The following TIGAR variants were observed in gnomAD, a reference collection of about 807,000 sequenced individuals.
The protein encoded by TIGAR is TP53 induced glycolysis regulatory phosphatase, also known as fructose-2,6-bisphosphatase TIGAR.
Under a neutral mutation model 17.9 loss-of-function variants are expected in TIGAR, and 7 were observed. That is an observed-to-expected ratio of 0.39 (90% CI 0.22 to 0.73). TIGAR has a LOEUF of 0.73. TIGAR is among the 30% of genes least tolerant of loss of function. The pLI is 0.42. For synonymous variants in TIGAR, 94 were observed against 108.6 expected (o/e 0.87, Z 0.84); for missense variants, 258 against 327.4 (o/e 0.79, Z 1.64).
At chr12:4,325,066 CGG>C (rs1864529507) in intron 1 of TIGAR, among the ~76,000 whole-genome samples, 1 of 151,780 alleles carries the variant, frequency 6.6e-6, no homozygotes, top group Non-Finnish European at 1.5e-5. Flanking sequence ...CTTCAGCCTC[CGG>C]AGTAGCTGGG....
intron 3 of TIGAR, among the ~76,000 whole-genome samples, chr12:4,339,476 G>A (rs539796966): frequency 4.6e-5 from 7 of 152,270 alleles, no homozygotes; most frequent in South Asian, 2.1e-4. Context: ...AACATCTAAA[G>A]TACTAATACC....
chr12:4,327,278 G>A (rs530130943), intron 1 of TIGAR, among the ~76,000 whole-genome samples: 67 of 152,110 alleles, frequency 4.4e-4, no homozygotes, highest in Non-Finnish European at 8.8e-4. Context: ...GCGTGGTGGC[G>A]CTTGCCTGTA....
At chr12:4,349,189 A>C (rs745809232) in intron 3 of TIGAR, among the ~76,000 whole-genome samples, 1 of 152,210 alleles carries the variant, frequency 6.6e-6, no homozygotes, top group Non-Finnish European at 1.5e-5. Flanking sequence ...ACACCTGTTC[A>C]AGTCTGCGGT....
chr12:4,353,339 G>A lies in TIGAR; in HGVS notation c.*648G>A, dbSNP rs11063099. On this transcript the variant is annotated 3_prime_UTR_variant, in exon 6 of 6. Coordinates refer to ENST00000179259, the MANE Select transcript of TIGAR (RefSeq NM_020375.3). ...AGAAAGAATCTTGGAGCAGAAGATA[G>A]AAGAACAGCCTTTTCTAAATAATGC... is the stretch of plus-strand genomic sequence containing the variant. 0.86 allele frequency: 131,194 copies of A among 152,260 alleles called. 56,625 individuals carry two copies. The highest frequency in any genetic ancestry group is 0.98 in the East Asian group (5,072 of 5,184). The allele number at this position is 152,260 out of a possible 1,614,324, so 9.4% of individuals were successfully genotyped here.
At position 4,356,352 on chromosome 12, in the gene TIGAR, T is replaced by C. The variant is rs145546005; in HGVS notation, c.*3661T>C. Among the ~76,000 whole-genome samples the C allele has an allele frequency of 3.2e-3, 482 of 152,346 alleles. 1 individual carries two copies. Among genetic ancestry groups the C allele is most frequent in the African/African-American group, 0.011 (457 of 41,570 alleles). On this transcript the variant is annotated 3_prime_UTR_variant, in exon 6 of 6. Transcript: ENST00000179259. ...TTTGCCTGAGTCTTTTATGCAATGA[T>C]ATTTTATTTGTAATATTTTCCCGGT...
chr12:4,325,423 A>G (rs771062844), intron 1 of TIGAR, among the ~76,000 whole-genome samples: 19 of 152,168 alleles, frequency 1.2e-4, no homozygotes, highest in Non-Finnish European at 2.6e-4. Flanking sequence ...AATGCTCTAT[A>G]AAAGTATAAA....
chr12:4,327,667 A>T (rs10744641), intron 1 of TIGAR, among the ~76,000 whole-genome samples: 133,277 of 152,156 alleles, frequency 0.88, 58,535 homozygotes, highest in East Asian at 0.98. Context: ...CCAGGTTTAA[A>T]TTAAGGGCTA....
In TIGAR at chr12:4,352,511, T is replaced by G. The variant is rs142063875; in HGVS notation, c.633T>G (p.Thr211=). 1 of 1,614,200 alleles carries G rather than the reference T, an allele frequency of 6.2e-7. No homozygotes were observed. Among genetic ancestry groups the G allele is most frequent in the Middle Eastern group, 1.6e-4 (1 of 6,062 alleles). ...YMRSLFDYFL[T]DLKCSLPATL... ...GAAGTCTGTTTGATTATTTTCTGAC[T>G]GACCTTAAGTGTTCCTTACCAGCCA... The change falls in exon 6 of 6, where the codon ACT becomes ACG. Residue 211 remains threonine (T), a synonymous_variant. Coordinates refer to ENST00000179259, the MANE Select transcript of TIGAR (RefSeq NM_020375.3).
Position 4,359,520 on chromosome 12 carries a change from G to T in TIGAR, c.*6829G>T, listed in dbSNP as rs1034979983. ...TAGAAACCAAGATCTCGGTGCCAGG[G>T]TGCTCATTGCTAATAGTGCCTTTAA... is the stretch of plus-strand genomic sequence containing the variant. On this transcript the variant is annotated 3_prime_UTR_variant, in exon 6 of 6. Transcript: ENST00000179259. 2.6e-5 allele frequency among the ~76,000 whole-genome samples: 4 copies of T among 151,934 alleles called. No homozygotes were observed. The highest frequency in any genetic ancestry group is 4.4e-5 in the Non-Finnish European group (3 of 68,008).
intron 2 of TIGAR, among the ~76,000 whole-genome samples, chr12:4,334,050 G>GT (rs1465591746): frequency 1.3e-5 from 2 of 149,912 alleles, no homozygotes; most frequent in East Asian, 1.9e-4. Context: ...TAAGTTCTTG[G>GT]TTTTTTTCCT....
chr12:4,342,568 T>A (rs1864735129), intron 3 of TIGAR, among the ~76,000 whole-genome samples: 1 of 151,900 alleles, frequency 6.6e-6, no homozygotes, highest in Non-Finnish European at 1.5e-5. Flanking sequence ...CAGAAGAGAG[T>A]GGGGGCCAAT....
intron 3 of TIGAR, among the ~76,000 whole-genome samples, chr12:4,338,943 T>A (rs562931343): frequency 6.3e-5 from 7 of 111,484 alleles, no homozygotes; most frequent in Non-Finnish European, 1.1e-4. Flanking sequence ...GCCACTGCAC[T>A]CCAGCCTGGG....
At chr12:4,347,586 T>C (rs540570041) in intron 3 of TIGAR, among the ~76,000 whole-genome samples, 1 of 152,326 alleles carries the variant, frequency 6.6e-6, no homozygotes, top group Admixed American at 6.5e-5. Flanking sequence ...TAAATGCTTA[T>C]GGGGATGGAT....
Position 4,358,400 on chromosome 12 carries a change from C to T in TIGAR, c.*5709C>T, listed in dbSNP as rs1864936005. ...TGGTAATCTTTTATCTTGGATTTAT[C>T]AAACCTACAGAAAAGTTGCAAGAAC... On this transcript the variant is annotated 3_prime_UTR_variant, in exon 6 of 6. Transcript: ENST00000179259. Among the ~76,000 whole-genome samples, 1 of 151,924 alleles carries T rather than the reference C, an allele frequency of 6.6e-6. No homozygotes were observed. The highest frequency in any genetic ancestry group is 2.4e-5 in the African/African-American group (1 of 41,350).
At chr12:4,337,260 G>A (rs151062140) in intron 3 of TIGAR, 100 bp downstream of exon 3, 56 of 804,312 alleles carry the variant, frequency 7.0e-5, no homozygotes, top group East Asian at 3.6e-4. Context: ...TCCATCTCCC[G>A]GGTTCAAGTG....
intron 3 of TIGAR, 145 bp downstream of exon 3, chr12:4,337,305 A>G (rs1864670724): frequency 1.9e-6 from 1 of 520,990 alleles, no homozygotes; most frequent in South Asian, 3.4e-5. Flanking sequence ...AGCTGGGATT[A>G]CAGGTGTGTG....
Position 4,326,796 on chromosome 12 carries a change from CT to C in TIGAR, c.33-4482del, listed in dbSNP as rs553092687. Among the ~76,000 whole-genome samples, 5 of 152,296 alleles carry C rather than the reference CT, an allele frequency of 3.3e-5. No homozygotes were observed. The East Asian group carries it at 9.6e-4, about 29-fold the overall frequency. ...GATTAAATAAAAATGCTGAGTTACT[CT>C]TCAGCAAGTATACAAAAAGTAATCA... On this transcript the variant is annotated intron_variant, in intron 1 of 5. Transcript: ENST00000179259.
chr12:4,321,316 G>A lies in TIGAR; in HGVS notation c.32+13G>A, dbSNP rs747972540. 3.1e-5 allele frequency: 50 copies of A among 1,600,764 alleles called. No homozygotes were observed. Among genetic ancestry groups the A allele is most frequent in the Non-Finnish European group, 3.6e-5 (43 of 1,179,748 alleles). The stretch of plus-strand genomic sequence containing the variant: ...CTGTTGTCCGGCAGTGAGTATGGCT[G>A]TGGCAGGATGTCTTTCTCTCTCTCT... On this transcript the variant is annotated intron_variant, in intron 1 of 5. Transcript: ENST00000179259. This position sits in a 1 kb window ranked among gnomAD's most constrained non-coding sequence, Gnocchi z 5.2.
Position 4,349,978 on chromosome 12 carries a change from T to C in TIGAR, c.270+82T>C, listed in dbSNP as rs1442959738. ...GTTTGTCACTTGGCTAAAAGTTAAA[T>C]GCATTTCTGCTAGGGATTTCGAATC... On this transcript the variant is annotated intron_variant, in intron 4 of 5. Coordinates refer to ENST00000179259, the MANE Select transcript of TIGAR (RefSeq NM_020375.3). 1.3e-5 allele frequency: 12 copies of C among 924,254 alleles called. No homozygotes were observed. In the East Asian group the frequency reaches 3.1e-4, roughly 24 times the overall value. The allele number at this position is 924,254 out of a possible 1,614,324, so 57.3% of individuals were successfully genotyped here.
Sources: allele counts gnomAD v4.1 joint callset (sites outside exome capture counted in the v4.1 genomes callset), GRCh38; gene constraint gnomAD v4.1.1; non-coding constraint Gnocchi (gnomAD v3.1); transcripts MANE v1.5; gene names NCBI Gene and HGNC (gene_info 2026-07-23, HGNC 2026-07-21).